AIG1: variants seen among roughly 807,000 people sequenced by gnomAD.
AIG1 encodes the protein androgen-induced gene 1 protein.
In AIG1, 23 loss-of-function variants were observed where a neutral mutation model predicts 31.4. The ratio of observed to expected loss-of-function variants is 0.73; its 90% confidence interval spans 0.53 to 1.04. The LOEUF is 1.04. AIG1 is among the 50% of genes least tolerant of loss of function. AIG1 has a pLI of 0.00. For missense variants in AIG1, 274 were observed against 295.0 expected, an observed-to-expected ratio of 0.93 and a Z score of 0.52; for synonymous variants, 100 against 110.5, an observed-to-expected ratio of 0.90 and a Z score of 0.60.
At position 143,136,929 on chromosome 6, in the gene AIG1, T is replaced by C. The variant is rs1419665006; in HGVS notation, c.236T>C (p.Leu79Pro). 11 of 1,533,152 alleles carry C rather than the reference T, an allele frequency of 7.2e-6. No homozygotes were observed. The highest frequency in any genetic ancestry group is 9.7e-6 in the Non-Finnish European group (11 of 1,128,686). 95.0% of individuals were successfully genotyped at this position (1,533,152 alleles called of 1,614,324 possible). Residue 79 changes from leucine to proline, a missense_variant, in exon 2 of 6, where the codon CTC (leucine) becomes CCC (proline). Leu to Pro is a moderately conservative substitution (Grantham distance 98, BLOSUM62 -3). Around this residue, in one of 2 missense-constraint regions of AIG1, gnomAD observed 243 missense variants for 238.5 expected, o/e 1.02. Coordinates refer to ENST00000357847, the MANE Select transcript of AIG1 (RefSeq NM_016108.4). ...GGGAACCAGGAGCAAGAGAGGCAGCTCAAGAAGCTCATCTCTCTCCGGGAC... is the reference window on the plus strand; with the variant it reads ...GGGAACCAGGAGCAAGAGAGGCAGCCCAAGAAGCTCATCTCTCTCCGGGAC... ...GSGNQEQERQLKKLISLRDWM... is the reference protein window; with the variant it reads ...GSGNQEQERQPKKLISLRDWM...
intron 1 of AIG1, among the ~76,000 whole-genome samples, chr6:143,120,783 C>T (rs993418374): frequency 3.9e-5 from 6 of 152,156 alleles, no homozygotes; most frequent in African/African-American, 1.2e-4. Context: ...GTGTTGGGAG[C>T]AGGCCCTCCA....
At chr6:143,091,475 G>A (rs1779298870) in intron 1 of AIG1, among the ~76,000 whole-genome samples, 1 of 152,172 alleles carries the variant, frequency 6.6e-6, no homozygotes, top group Non-Finnish European at 1.5e-5. Flanking sequence ...TTTAATATAT[G>A]TTTTAAAATA....
At chr6:143,220,444 G>A (rs1052783749) in intron 3 of AIG1, among the ~76,000 whole-genome samples, 3 of 152,104 alleles carry the variant, frequency 2.0e-5, no homozygotes, top group Non-Finnish European at 4.4e-5. Flanking sequence ...AGTAACTTGT[G>A]AATGAAAGAA....
intron 1 of AIG1, among the ~76,000 whole-genome samples, chr6:143,123,092 C>T (rs776316355): frequency 2.0e-5 from 3 of 152,152 alleles, no homozygotes; most frequent in Non-Finnish European, 4.4e-5. Context: ...ACTATTATGG[C>T]ATCCTTCCTT....
Position 143,110,266 on chromosome 6 carries a change from T to C in AIG1, c.142-26569T>C, listed in dbSNP as rs549234945. ...TCTTGATATCTGGTAATATAAGTTCTCCAACTTTGTTCTTCAATATAATTT... is the reference window on the plus strand; with the variant it reads ...TCTTGATATCTGGTAATATAAGTTCCCCAACTTTGTTCTTCAATATAATTT... On this transcript the variant is annotated intron_variant, in intron 1 of 5. Transcript: ENST00000357847. Among the ~76,000 whole-genome samples, 53 of 152,350 alleles carry C rather than the reference T, an allele frequency of 3.5e-4. 1 individual carries two copies. The South Asian group carries it at 6.6e-3, about 19-fold the overall frequency.
At chr6:143,194,588 T>C (rs1234326049) in intron 3 of AIG1, among the ~76,000 whole-genome samples, 2 of 152,230 alleles carry the variant, frequency 1.3e-5, no homozygotes, top group East Asian at 1.9e-4. Flanking sequence ...ATCTATTTAT[T>C]TGGATAATTT....
intron 3 of AIG1, among the ~76,000 whole-genome samples, chr6:143,180,496 A>G (rs1320057460): frequency 6.6e-6 from 1 of 152,214 alleles, no homozygotes; most frequent in Non-Finnish European, 1.5e-5. Flanking sequence ...ATTTTAAAGC[A>G]TTGTCAGTGA....
chr6:143,083,429 T>C (rs1380597568), intron 1 of AIG1, among the ~76,000 whole-genome samples: 2 of 152,118 alleles, frequency 1.3e-5, no homozygotes, highest in Non-Finnish European at 2.9e-5. Flanking sequence ...AAATAAGAAT[T>C]GAGAGTCAGG....
intron 1 of AIG1, among the ~76,000 whole-genome samples, chr6:143,103,681 G>A (rs985237128): frequency 4.6e-5 from 7 of 151,278 alleles, no homozygotes; most frequent in Non-Finnish European, 1.0e-4. Flanking sequence ...CTAATTTTTT[G>A]TATTTTTAGT....
intron 3 of AIG1, among the ~76,000 whole-genome samples, chr6:143,276,384 G>T (rs1266513719): frequency 1.3e-5 from 2 of 152,160 alleles, no homozygotes; most frequent in East Asian, 3.8e-4. Flanking sequence ...GTATTGTTCT[G>T]TCTGAACCTG....
intron 1 of AIG1, among the ~76,000 whole-genome samples, chr6:143,076,834 G>T (rs905721376): frequency 2.6e-5 from 4 of 151,956 alleles, no homozygotes; most frequent in Non-Finnish European, 4.4e-5. Context: ...ACCACGCCCG[G>T]CTAATTTCTT....
At chr6:143,142,125 G>A (rs1240924471) in intron 2 of AIG1, among the ~76,000 whole-genome samples, 1 of 152,026 alleles carries the variant, frequency 6.6e-6, no homozygotes, top group Non-Finnish European at 1.5e-5. Flanking sequence ...GCCCAGGCTG[G>A]AATGTAGTGC....
intron 3 of AIG1, among the ~76,000 whole-genome samples, chr6:143,249,537 G>A (rs1583622622): frequency 1.3e-5 from 2 of 152,260 alleles, no homozygotes; most frequent in South Asian, 4.1e-4. Context: ...CAGTAGTTCT[G>A]GAAAGCCAAT....
chr6:143,211,236 G>C (rs1285403498), intron 3 of AIG1, among the ~76,000 whole-genome samples: 3 of 152,150 alleles, frequency 2.0e-5, no homozygotes, highest in African/African-American at 7.2e-5. Flanking sequence ...TCTCTTAGCT[G>C]CTCTTCCACC....
At chr6:143,108,590 C>G (rs1781015806) in intron 1 of AIG1, among the ~76,000 whole-genome samples, 1 of 152,166 alleles carries the variant, frequency 6.6e-6, no homozygotes, top group South Asian at 2.1e-4. Context: ...TAAAATTACA[C>G]TTTTAACTGT....
intron 1 of AIG1, among the ~76,000 whole-genome samples, chr6:143,109,849 C>A (rs1217616165): frequency 6.6e-6 from 1 of 152,128 alleles, no homozygotes; most frequent in Non-Finnish European, 1.5e-5. Flanking sequence ...TTTATGACAT[C>A]TTTTGATCAA....
At chr6:143,161,588 A>T (rs1251871835) in intron 2 of AIG1, among the ~76,000 whole-genome samples, 2 of 150,208 alleles carry the variant, frequency 1.3e-5, no homozygotes, top group African/African-American at 4.9e-5. Context: ...TATATATATA[A>T]ATTATCATAT....
intron 3 of AIG1, among the ~76,000 whole-genome samples, chr6:143,265,335 A>G (rs1796083132): frequency 6.6e-6 from 1 of 152,234 alleles, no homozygotes; most frequent in Admixed American, 6.5e-5. Context: ...AATAATCGTC[A>G]TGAAAGCATT....
rs1429236257 is a variant in AIG1 at position 143,256,149 on chromosome 6, G to A, written c.400-27961G>A. The stretch of plus-strand genomic sequence containing the variant: ...CAAAAGTAACTGAGATAAATTTTAG[G>A]GCAAAAATAAATTAGAATAAACAGA... On this transcript the variant is annotated intron_variant, in intron 3 of 5. Transcript: ENST00000357847. The surrounding 1 kb of genome is among the most constrained non-coding windows in gnomAD (Gnocchi z 4.6). Among the ~76,000 whole-genome samples the A allele has an allele frequency of 6.6e-6, 1 of 151,944 alleles. No individual in the cohort carries two copies. Among genetic ancestry groups the A allele is most frequent in the African/African-American group, 2.4e-5 (1 of 41,354 alleles).
Sources: allele counts gnomAD v4.1 joint callset (sites outside exome capture counted in the v4.1 genomes callset), GRCh38; gene constraint gnomAD v4.1.1; regional missense constraint gnomAD v4.1.1; non-coding constraint Gnocchi (gnomAD v3.1); transcripts MANE v1.5; gene names NCBI Gene and HGNC (gene_info 2026-07-23, HGNC 2026-07-21).